Variants in AGBL4 observed in about 807,000 individuals in gnomAD.
The protein encoded by AGBL4 is cytosolic carboxypeptidase 6.
Under a neutral mutation model 66.4 loss-of-function variants are expected in AGBL4, and 58 were observed. The ratio of observed to expected loss-of-function variants is 0.87; its 90% CI spans 0.71 to 1.09. The LOEUF is 1.09. Among genes scored for constraint, AGBL4 ranks in the 50% least tolerant of loss-of-function variants. The pLI is 0.00. For missense variants in AGBL4, 579 were observed against 631.0 expected (o/e 0.92, Z 0.88); for synonymous variants, 234 against 222.9 (o/e 1.05, Z -0.44).
chr1:49,144,251 T>C (rs545303779), intron 4 of AGBL4, among the ~76,000 whole-genome samples: 1 of 152,116 alleles, frequency 6.6e-6, no homozygotes, highest in Admixed American at 6.5e-5. Flanking sequence ...CCAGGTACTA[T>C]GTTAGAACTC....
At chr1:49,607,857 C>T (rs1418263372) in intron 3 of AGBL4, among the ~76,000 whole-genome samples, 5 of 152,080 alleles carry the variant, frequency 3.3e-5, no homozygotes, top group African/African-American at 1.2e-4. Flanking sequence ...GGGAATGTAG[C>T]ATGATTATGT....
intron 3 of AGBL4, among the ~76,000 whole-genome samples, chr1:49,477,149 A>C (rs1451897423): frequency 1.3e-5 from 2 of 152,028 alleles, no homozygotes; most frequent in Non-Finnish European, 2.9e-5. Context: ...AACTCACCTC[A>C]CTGAAGGGAA....
intron 4 of AGBL4, among the ~76,000 whole-genome samples, chr1:49,082,838 T>C (rs1216624139): frequency 6.6e-6 from 1 of 152,204 alleles, no homozygotes; most frequent in African/African-American, 2.4e-5. Context: ...CCTATGAGCC[T>C]GTAAAATCAA....
At chr1:49,829,759 C>G (rs1320400835) in intron 2 of AGBL4, among the ~76,000 whole-genome samples, 1 of 152,000 alleles carries the variant, frequency 6.6e-6, no homozygotes, top group African/African-American at 2.4e-5. Flanking sequence ...CAATGCTATC[C>G]CTCCCCTAGG....
intron 2 of AGBL4, among the ~76,000 whole-genome samples, chr1:49,834,314 G>A (rs1645785500): frequency 6.6e-6 from 1 of 151,990 alleles, no homozygotes; most frequent in African/African-American, 2.4e-5. Context: ...GTCTTGGGAG[G>A]GTGTATGTGT....
intron 3 of AGBL4, among the ~76,000 whole-genome samples, chr1:49,403,197 T>C (rs1435854753): frequency 1.3e-5 from 2 of 152,236 alleles, no homozygotes; most frequent in Non-Finnish European, 2.9e-5. Flanking sequence ...AATTGTTACA[T>C]TCTCTTGCTG....
intron 6 of AGBL4, among the ~76,000 whole-genome samples, chr1:48,787,143 A>T (rs1321029103): frequency 6.6e-6 from 1 of 152,178 alleles, no homozygotes; most frequent in Non-Finnish European, 1.5e-5. Context: ...AACCCAGGCC[A>T]TGTGACTCTA....
chr1:48,754,804 T>C (rs917412653), intron 6 of AGBL4, among the ~76,000 whole-genome samples: 3 of 152,030 alleles, frequency 2.0e-5, no homozygotes, highest in Non-Finnish European at 2.9e-5. Context: ...GTAAAGGGGA[T>C]GGAGGAGACA....
intron 4 of AGBL4, among the ~76,000 whole-genome samples, chr1:49,075,486 AT>A (rs1297302905): frequency 6.6e-6 from 1 of 152,080 alleles, no homozygotes; most frequent in East Asian, 1.9e-4. Context: ...AAACCTGAAA[AT>A]TTTTTTGTAT....
chr1:49,332,386 T>C (rs965755881), intron 3 of AGBL4, among the ~76,000 whole-genome samples: 14 of 152,172 alleles, frequency 9.2e-5, no homozygotes, highest in Admixed American at 2.0e-4. Context: ...GGCCAGATTA[T>C]TTCATAGGTG....
chr1:49,105,019 T>G (rs1645267771), intron 4 of AGBL4, among the ~76,000 whole-genome samples: 1 of 152,194 alleles, frequency 6.6e-6, no homozygotes, highest in Non-Finnish European at 1.5e-5. Context: ...AAACCAGTAC[T>G]AAATATTTTG....
At chr1:49,073,723 G>A (rs1644655429) in intron 4 of AGBL4, among the ~76,000 whole-genome samples, 1 of 152,254 alleles carries the variant, frequency 6.6e-6, no homozygotes, top group East Asian at 1.9e-4. Flanking sequence ...CAGGCTACTC[G>A]GGGGTCAGGG....
chr1:49,087,028 A>T (rs968846440), intron 4 of AGBL4, among the ~76,000 whole-genome samples: 1 of 148,894 alleles, frequency 6.7e-6, no homozygotes, highest in African/African-American at 2.6e-5. Flanking sequence ...GCATAAGAGA[A>T]GGTAAAAGAA....
intron 6 of AGBL4, among the ~76,000 whole-genome samples, chr1:48,721,845 C>T (rs968136509): frequency 1.1e-4 from 16 of 152,184 alleles, no homozygotes; most frequent in Admixed American, 3.3e-4. Context: ...GGATTGGGCC[C>T]CAGTCTCCTA....
chr1:48,872,858 A>G (rs2148830976), intron 5 of AGBL4, among the ~76,000 whole-genome samples: 1 of 152,288 alleles, frequency 6.6e-6, no homozygotes, highest in Non-Finnish European at 1.5e-5. Flanking sequence ...CCTAACAGGA[A>G]GGCGAAGCAA....
intron 6 of AGBL4, among the ~76,000 whole-genome samples, chr1:48,807,530 G>A (rs1206698196): frequency 1.3e-5 from 2 of 152,168 alleles, no homozygotes; most frequent in Non-Finnish European, 2.9e-5. Context: ...CCCTGTGAGA[G>A]GTGAAAGTTG....
At chr1:48,673,085 C>T (rs538800330) in intron 6 of AGBL4, among the ~76,000 whole-genome samples, 2 of 152,102 alleles carry the variant, frequency 1.3e-5, no homozygotes, top group Non-Finnish European at 2.9e-5. Flanking sequence ...TTTTGACATT[C>T]CCAAGGGGAA....
chr1:49,452,397 T>G (rs906507597), intron 3 of AGBL4, among the ~76,000 whole-genome samples: 6 of 151,900 alleles, frequency 3.9e-5, no homozygotes, highest in African/African-American at 1.4e-4. Flanking sequence ...ACTTAGTGGG[T>G]CAAGGTCAAA....
intron 2 of AGBL4, among the ~76,000 whole-genome samples, chr1:49,747,943 T>TG (rs1416081445): frequency 1.7e-4 from 18 of 106,802 alleles, no homozygotes; most frequent in East Asian, 2.4e-4. Flanking sequence ...AGTGTGTGTG[T>TG]TTGTGTGTGT....
Sources: allele counts gnomAD v4.1 joint callset (sites outside exome capture counted in the v4.1 genomes callset), GRCh38; gene constraint gnomAD v4.1.1; transcripts MANE v1.5; gene names NCBI Gene and HGNC (gene_info 2026-07-23, HGNC 2026-07-21).